PHACTR2: variants seen among roughly 807,000 people sequenced by gnomAD.
PHACTR2 encodes the protein chromosome 6 open reading frame 56.
A neutral mutation model predicts 76.0 loss-of-function variants in PHACTR2; 30 were observed. The observed-to-expected ratio is 0.39, with a 90% CI of 0.30 to 0.54. PHACTR2 has a LOEUF of 0.54. Among genes scored for constraint, PHACTR2 ranks in the 20% least tolerant of loss-of-function variants. PHACTR2 has a pLI of 0.61. For synonymous variants in PHACTR2, 292 were observed against 292.5 expected, an observed-to-expected ratio of 1.00 and a Z score of 0.02; for missense variants, 696 against 781.1, an observed-to-expected ratio of 0.89 and a Z score of 1.30.
intron 1 of PHACTR2, 143 bp from the exon 2 acceptor site, chr6:143,711,873 G>A (rs1778182786): frequency 1.2e-6 from 1 of 800,820 alleles, no homozygotes; most frequent in South Asian, 1.3e-5. Context: ...CCTACCAGCT[G>A]TGAAATGGGA....
chr6:143,765,345 C>G lies in PHACTR2; in HGVS notation c.779C>G (p.Ala260Gly), dbSNP rs549285501. The change falls in exon 6 of 13, where the codon GCT becomes GGT. Residue 260 changes from alanine to glycine, a missense_variant. Transcript: ENST00000440869. This position sits in a 1 kb window ranked among gnomAD's most constrained non-coding sequence, Gnocchi z 4.1. ...TCATCCACCTCATCTCGTCCCAAAG[C>G]TTCAAAGGAGACAGTTTCTAGCAAA... Reference protein sequence around the residue: ...STSSTSSRPKASKETVSSKAG... With the variant: ...STSSTSSRPKGSKETVSSKAG... 2.5e-6 allele frequency: 4 copies of G among 1,614,196 alleles called. No individual in the cohort carries two copies. In the East Asian group the frequency reaches 8.9e-5, roughly 36 times the overall value.
chr6:143,553,808 G>T lies in PHACTR2; in HGVS notation c.217+16601G>T, dbSNP rs1009095420. ...ATTAGATGGTGATTACAAAGCAGAG[G>T]AAGGGTATAGGTCGTGCCGGGGTGA... is the stretch of plus-strand genomic sequence containing the variant. On this transcript the variant is annotated intron_variant, in intron 1 of 11. Coordinates refer to the PHACTR2 transcript ENST00000367584. The surrounding 1 kb of genome is among the most constrained non-coding windows in gnomAD (Gnocchi z 4.2). Among the ~76,000 whole-genome samples, 1 of 152,170 alleles carries T rather than the reference G, an allele frequency of 6.6e-6. No individual in the cohort carries two copies. Among genetic ancestry groups the T allele is most frequent in the African/African-American group, 2.4e-5 (1 of 41,452 alleles).
Position 143,678,539 on chromosome 6 carries a change from A to G in PHACTR2, c.46+330A>G, listed in dbSNP as rs1274212637. Among the ~76,000 whole-genome samples, 1 of 152,218 alleles carries G rather than the reference A, an allele frequency of 6.6e-6. No individual in the cohort carries two copies. The highest frequency in any genetic ancestry group is 2.4e-5 in the African/African-American group (1 of 41,458). On this transcript the variant is annotated intron_variant, in intron 1 of 12. Coordinates refer to ENST00000440869, the MANE Select transcript of PHACTR2 (RefSeq NM_001100164.2). This position sits in a 1 kb window ranked among gnomAD's most constrained non-coding sequence, Gnocchi z 6.2. ...GTGTTTTTAAAAACGCGAAACTTAG[A>G]GAGCAAGAGAAACATGCCAACAGGT...
chr6:143,626,092 G>A (rs758714780), intron 1 of PHACTR2, among the ~76,000 whole-genome samples: 77 of 152,234 alleles, frequency 5.1e-4, no homozygotes, highest in Admixed American at 7.8e-4. Flanking sequence ...TTTAAGTTTT[G>A]TGCTGTTTCA....
rs1777161823 is a variant in PHACTR2 at position 143,672,018 on chromosome 6, C to G, written c.14-39998C>G. The stretch of plus-strand genomic sequence containing the variant: ...CATTTGTAAGAAATTTTAGATAAAT[C>G]AAAAGTATGGACATGGAAAGCAGGT... On this transcript the variant is annotated intron_variant, in intron 1 of 11. Transcript: ENST00000305766. This position sits in a 1 kb window ranked among gnomAD's most constrained non-coding sequence, Gnocchi z 5.8. Among the ~76,000 whole-genome samples, 1 of 151,882 alleles carries G rather than the reference C, an allele frequency of 6.6e-6. No homozygotes were observed. The highest frequency in any genetic ancestry group is 6.6e-5 in the Admixed American group (1 of 15,258).
intron 1 of PHACTR2, among the ~76,000 whole-genome samples, chr6:143,628,799 T>C (rs1421852202): frequency 6.6e-6 from 1 of 151,562 alleles, no homozygotes; most frequent in South Asian, 2.1e-4. Context: ...ACCCATGGTC[T>C]TTCTCACTTG....
At chr6:143,728,964 A>G (rs1778638705) in intron 2 of PHACTR2, among the ~76,000 whole-genome samples, 1 of 152,234 alleles carries the variant, frequency 6.6e-6, no homozygotes, top group Non-Finnish European at 1.5e-5. Flanking sequence ...AGTATAGGCA[A>G]CAAAACAAAA....
At chr6:143,734,154 G>A (rs923710387) in intron 2 of PHACTR2, among the ~76,000 whole-genome samples, 7 of 152,156 alleles carry the variant, frequency 4.6e-5, no homozygotes, top group African/African-American at 1.7e-4. Context: ...ATGGGAAAGA[G>A]TAATAGAATA....
intron 4 of PHACTR2, among the ~76,000 whole-genome samples, chr6:143,759,679 C>CAAAAA (rs796561358): frequency 2.9e-5 from 2 of 68,254 alleles, no homozygotes; most frequent in African/African-American, 5.3e-5. Flanking sequence ...CACACACATA[C>CAAAAA]AAAAAAAAAA....
At chr6:143,717,411 T>C (rs560615084) in intron 2 of PHACTR2, among the ~76,000 whole-genome samples, 1 of 152,338 alleles carries the variant, frequency 6.6e-6, no homozygotes, top group South Asian at 2.1e-4. Flanking sequence ...CTACGTAAAG[T>C]ATTTAAGGGC....
intron 1 of PHACTR2, among the ~76,000 whole-genome samples, chr6:143,560,381 A>G (rs111857662): frequency 3.9e-5 from 6 of 152,228 alleles, no homozygotes; most frequent in African/African-American, 1.4e-4. Flanking sequence ...AATTAGTCTA[A>G]TTCATCCATA....
In PHACTR2 at chr6:143,546,908, G is replaced by A. The variant is rs1007719548; in HGVS notation, c.217+9701G>A. Among the ~76,000 whole-genome samples the A allele has an allele frequency of 7.2e-5, 11 of 151,800 alleles. No homozygotes were observed. The highest frequency in any genetic ancestry group is 3.9e-4 in the East Asian group (2 of 5,166). On this transcript the variant is annotated intron_variant, in intron 1 of 11. Transcript: ENST00000367584. The surrounding 1 kb of genome is among the most constrained non-coding windows in gnomAD (Gnocchi z 4.9). ...AAAAATTAGCCAGGTGAACTGGTGC[G>A]CACCTGTAGTCCTTGCTACTCAGGA...
At position 143,827,179 on chromosome 6, in the gene PHACTR2, T is replaced by A. The variant is rs866197384; in HGVS notation, c.*3490T>A. The A allele has an allele frequency of 0.015, 1,881 of 129,030 alleles. 126 individuals carry two copies. The highest frequency in any genetic ancestry group is 0.077 in the South Asian group (316 of 4,124). The allele number at this position is 129,030 out of a possible 1,614,324, so 8.0% of individuals were successfully genotyped here. On this transcript the variant is annotated 3_prime_UTR_variant, in exon 13 of 13. Coordinates refer to ENST00000440869, the MANE Select transcript of PHACTR2 (RefSeq NM_001100164.2). ...AAATATATATATATATATATATATA[T>A]ATATATATATATATATATATGTATA...
chr6:143,765,859 T>C lies in PHACTR2; in HGVS notation c.1232+61T>C, dbSNP rs550402639. On this transcript the variant is annotated intron_variant, in intron 6 of 12. Coordinates refer to ENST00000440869, the MANE Select transcript of PHACTR2 (RefSeq NM_001100164.2). This position sits in a 1 kb window ranked among gnomAD's most constrained non-coding sequence, Gnocchi z 4.1. Reference sequence around the variant, plus strand: ...AACTAAAGATCACTAATATATTCTGTTGGAAATGAAGCACCGGGTTTGCTT... The same window carrying C: ...AACTAAAGATCACTAATATATTCTGCTGGAAATGAAGCACCGGGTTTGCTT... 13 of 1,401,270 alleles carry C rather than the reference T, an allele frequency of 9.3e-6. No individual in the cohort carries two copies. The highest frequency in any genetic ancestry group is 5.7e-5 in the African/African-American group (4 of 69,840). 86.8% of individuals were successfully genotyped at this position (1,401,270 alleles called of 1,614,324 possible).
At position 143,595,731 on chromosome 6, in the gene PHACTR2, T is replaced by C. The variant is rs1775741850; in HGVS notation, c.217+58524T>C. Among the ~76,000 whole-genome samples, 2 of 152,224 alleles carry C rather than the reference T, an allele frequency of 1.3e-5. 1 individual carries two copies. The highest frequency in any genetic ancestry group is 4.1e-4 in the South Asian group (2 of 4,834). On this transcript the variant is annotated intron_variant, in intron 1 of 11. Transcript: ENST00000367584. This position sits in a 1 kb window ranked among gnomAD's most constrained non-coding sequence, Gnocchi z 4.2. ...AGGACTAGAGGTGGTTTTGTTGTTG[T>C]TTTTAAAGAGAGAAAAAAGTGCTGT... is the stretch of plus-strand genomic sequence containing the variant.
Position 143,829,063 on chromosome 6 carries a change from C to A in PHACTR2, c.*5374C>A, listed in dbSNP as rs376181499. On this transcript the variant is annotated 3_prime_UTR_variant, in exon 13 of 13. Coordinates refer to ENST00000440869, the MANE Select transcript of PHACTR2 (RefSeq NM_001100164.2). ...GAGCCTTTCTCTCAGTGCAGCTGTT[C>A]TTCAGGGAGGAGGTTACTGGGCAGC... 6 of 151,972 alleles carry A rather than the reference C, an allele frequency of 3.9e-5. No homozygotes were observed. The highest frequency in any genetic ancestry group is 1.5e-4 in the African/African-American group (6 of 41,350). The allele number at this position is 151,972 out of a possible 1,614,324, so 9.4% of individuals were successfully genotyped here. A position where few individuals can be genotyped will look rare whatever the true frequency, so the allele number is the denominator to read the frequency against.
chr6:143,660,083 T>TGACA (rs557981486), intron 1 of PHACTR2, among the ~76,000 whole-genome samples: 212 of 152,290 alleles, frequency 1.4e-3, no homozygotes, highest in Admixed American at 1.7e-3. Flanking sequence ...GGTGTTCTAT[T>TGACA]GACAATACTG....
rs1776359117 is a variant in PHACTR2 at position 143,818,970 on chromosome 6, G to A, written c.1923-4704G>A. On this transcript the variant is annotated intron_variant, in intron 12 of 12. Transcript: ENST00000440869. This position sits in a 1 kb window ranked among gnomAD's most constrained non-coding sequence, Gnocchi z 4.9. ...ACTTCCATATTTTGCTTCAGGTTGT[G>A]GTTGACTCTTCCTAGAAAACATTTT... is the stretch of plus-strand genomic sequence containing the variant. Among the ~76,000 whole-genome samples the A allele has an allele frequency of 6.6e-6, 1 of 152,130 alleles. No individual in the cohort carries two copies. The highest frequency in any genetic ancestry group is 6.5e-5 in the Admixed American group (1 of 15,270).
At chr6:143,802,458 A>G (rs1775978778) in intron 11 of PHACTR2, among the ~76,000 whole-genome samples, 2 of 150,722 alleles carry the variant, frequency 1.3e-5, no homozygotes, top group South Asian at 4.2e-4. Flanking sequence ...TGGGCAACAC[A>G]GCAAAACCTC....
Sources: gnomAD v4.1 joint callset for allele counts (sites outside exome capture counted in the v4.1 genomes callset) on GRCh38, gnomAD v4.1.1 for gene constraint, Gnocchi (gnomAD v3.1) non-coding constraint, MANE v1.5 for transcripts, NCBI Gene and HGNC (gene_info 2026-07-23, HGNC 2026-07-21) for gene names.